The following SLC15A2 variants were observed in gnomAD, a reference collection of about 807,000 sequenced individuals.
SLC15A2 encodes the protein solute carrier family 15 member 2.
In SLC15A2, 77 loss-of-function variants were observed where a neutral mutation model predicts 95.5. The ratio of observed to expected loss-of-function variants is 0.81; its 90% CI spans 0.67 to 0.97. The LOEUF is 0.97. SLC15A2 is among the 50% of genes least tolerant of loss of function. The probability of loss-of-function intolerance (pLI) is 0.00; values close to 1 mark genes in which losing one functional copy is unlikely to be tolerated. For synonymous variants in SLC15A2, 306 were observed against 306.9 expected, an observed-to-expected ratio of 1.00 and a Z score of 0.03; for missense variants, 893 against 874.4, an observed-to-expected ratio of 1.02 and a Z score of -0.27.
At position 121,911,898 on chromosome 3, in the gene SLC15A2, A is replaced by G. The variant is rs181504404; in HGVS notation, c.428+232A>G. Among the ~76,000 whole-genome samples the G allele has an allele frequency of 8.4e-4, 128 of 152,304 alleles. 4 individuals carry two copies. In the East Asian group the frequency reaches 0.021, roughly 25 times the overall value. ...GTATCCTCTTCATATGCTTGAAAAT[A>G]ATCAAAACCTTCATACCCTACATAT... is the stretch of plus-strand genomic sequence containing the variant. On this transcript the variant is annotated intron_variant, in intron 4 of 21. Coordinates refer to ENST00000489711, the MANE Select transcript of SLC15A2 (RefSeq NM_021082.4).
intron 8 of SLC15A2, 65 bp from the exon 9 acceptor site, chr3:121,922,710 A>C: frequency 8.6e-7 from 1 of 1,158,422 alleles, no homozygotes; most frequent in Non-Finnish European, 1.3e-6. Context: ...AAGGTATAAT[A>C]AGTTGGAAAA....
chr3:121,918,711 A>C (rs1000590145), intron 7 of SLC15A2, among the ~76,000 whole-genome samples: 1 of 152,218 alleles, frequency 6.6e-6, no homozygotes, highest in Admixed American at 6.5e-5. Context: ...AGAAGATTTC[A>C]AGAAAAGATT....
chr3:121,908,629 T>C (rs9850685), intron 3 of SLC15A2, among the ~76,000 whole-genome samples: 63,966 of 151,968 alleles, frequency 0.42, 13,943 homozygotes, highest in East Asian at 0.69. Context: ...CTGACCTTCT[T>C]TTCTTCATGC....
At chr3:121,904,333 A>G (rs1709585830) in intron 3 of SLC15A2, among the ~76,000 whole-genome samples, 1 of 152,236 alleles carries the variant, frequency 6.6e-6, no homozygotes, top group South Asian at 2.1e-4. Flanking sequence ...CTAATTGAAT[A>G]CCCTTTATTT....
chr3:121,912,765 G>T (rs1025416125), intron 4 of SLC15A2, among the ~76,000 whole-genome samples: 6 of 152,068 alleles, frequency 3.9e-5, no homozygotes, highest in African/African-American at 1.4e-4. Flanking sequence ...ATGCTCATAA[G>T]GGGTAAATGG....
At chr3:121,897,255 A>C in intron 2 of SLC15A2, 133 bp from the exon 3 acceptor site, 4 of 978,280 alleles carry the variant, frequency 4.1e-6, no homozygotes, top group Non-Finnish European at 6.1e-6. Context: ...CTTCTCAGTC[A>C]TGTCACTGAT....
intron 19 of SLC15A2, among the ~76,000 whole-genome samples, chr3:121,932,196 A>C (rs1438482461): frequency 6.6e-6 from 1 of 152,104 alleles, no homozygotes; most frequent in Non-Finnish European, 1.5e-5. Flanking sequence ...GAGTCACCGC[A>C]CCTGGCTCTA....
chr3:121,918,148 G>C (rs1215862961), intron 7 of SLC15A2, among the ~76,000 whole-genome samples: 4 of 152,188 alleles, frequency 2.6e-5, no homozygotes, highest in Non-Finnish European at 4.4e-5. Context: ...CGAATTTTTT[G>C]ATACTTGCTT....
chr3:121,927,860 G>A (rs1404139216), intron 14 of SLC15A2, 21 bp downstream of exon 14: 1 of 1,548,284 alleles, frequency 6.5e-7, no homozygotes, highest in Non-Finnish European at 8.9e-7. Context: ...TAATTCTTAA[G>A]CTCTATGAGG....
chr3:121,924,230 A>G (rs926858827), intron 11 of SLC15A2, 121 bp from the exon 12 acceptor site: 9 of 794,984 alleles, frequency 1.1e-5, no homozygotes, highest in Non-Finnish European at 1.7e-5. Flanking sequence ...TGAACCAAAG[A>G]CCTGATGAAT....
At chr3:121,902,512 C>G (rs930110797) in intron 3 of SLC15A2, among the ~76,000 whole-genome samples, 5 of 152,106 alleles carry the variant, frequency 3.3e-5, no homozygotes, top group African/African-American at 1.2e-4. Flanking sequence ...CTCCACCAGC[C>G]CTCCACCCCA....
At chr3:121,915,755 T>G (rs532303986) in intron 7 of SLC15A2, 62 bp downstream of exon 7, 1 of 1,158,660 alleles carries the variant, frequency 8.6e-7, no homozygotes, top group Non-Finnish European at 1.3e-6. Flanking sequence ...TAAAGCATCA[T>G]GTAGGCACTT....
At chr3:121,927,882 T>C (rs1330198083) in intron 14 of SLC15A2, 43 bp downstream of exon 14, 1 of 1,429,686 alleles carries the variant, frequency 7.0e-7, no homozygotes, top group East Asian at 2.3e-5. Flanking sequence ...CAGGATCATA[T>C]CTTTCTTATT....
At position 121,927,755 on chromosome 3, in the gene SLC15A2, C is replaced by A; in HGVS notation, c.1125-3C>A. On this transcript the variant is annotated splice_region_variant and splice_polypyrimidine_tract_variant and intron_variant, in intron 13 of 21. Transcript: ENST00000489711. ...ATATAATTGTTTCTCCTTTCCACCA[C>A]AGATCACTTAGGAAAATGGCTGTTG... 6.2e-7 allele frequency: 1 copy of A among 1,611,046 alleles called. No individual in the cohort carries two copies. The highest frequency in any genetic ancestry group is 1.1e-5 in the South Asian group (1 of 91,046).
rs1476993784 is a variant in SLC15A2, at chr3:121,913,050, T to C, written c.458T>C (p.Ile153Thr). ...TVLSLIGLSL[I>T]ALGTGGIKPC... The stretch of plus-strand genomic sequence containing the variant: ...CTATCATTGATCGGCCTGAGTCTAA[T>C]AGCTTTGGGGACAGGAGGCATCAAA... The change falls in exon 5 of 22, where the codon ATA becomes ACA. Residue 153 changes from isoleucine (I) to threonine (T), a missense_variant. Physicochemically the swap from Ile to Thr is moderately conservative, Grantham distance 89. Coordinates refer to ENST00000489711, the MANE Select transcript of SLC15A2 (RefSeq NM_021082.4). 1.9e-6 allele frequency: 3 copies of C among 1,613,666 alleles called. No individual in the cohort carries two copies. Among genetic ancestry groups the C allele is most frequent in the African/African-American group, 2.7e-5 (2 of 74,938 alleles).
At chr3:121,908,665 C>T (rs1709703954) in intron 3 of SLC15A2, among the ~76,000 whole-genome samples, 2 of 152,202 alleles carry the variant, frequency 1.3e-5, no homozygotes, top group South Asian at 4.1e-4. Flanking sequence ...GCCATCACTA[C>T]ACACTCTCAG....
intron 7 of SLC15A2, 101 bp from the exon 8 acceptor site, chr3:121,922,119 A>G: frequency 1.2e-6 from 1 of 858,098 alleles, no homozygotes; most frequent in Non-Finnish European, 1.9e-6. Context: ...TGCAAAAGTT[A>G]TTGTGGTTTT....
intron 17 of SLC15A2, among the ~76,000 whole-genome samples, chr3:121,930,213 G>C (rs1052030044): frequency 6.6e-6 from 1 of 152,076 alleles, no homozygotes; most frequent in African/African-American, 2.4e-5. Context: ...CAAATCAAAA[G>C]CTATCAAAAC....
intron 1 of SLC15A2, among the ~76,000 whole-genome samples, chr3:121,895,715 A>C (rs936423137): frequency 6.6e-6 from 1 of 152,224 alleles, no homozygotes; most frequent in Admixed American, 6.5e-5. Flanking sequence ...ATTCTGACTG[A>C]TATATTACAT....
Sources: gnomAD v4.1 joint callset for allele counts (sites outside exome capture counted in the v4.1 genomes callset) on GRCh38, gnomAD v4.1.1 for gene constraint, MANE v1.5 for transcripts, NCBI Gene and HGNC (gene_info 2026-07-23, HGNC 2026-07-21) for gene names.